ANKRD11: variants seen among roughly 807,000 people sequenced by gnomAD.
The protein encoded by ANKRD11 is ankyrin repeat domain 11.
In ANKRD11, 17 loss-of-function variants were observed where a neutral mutation model predicts 195.7. The ratio of observed to expected loss-of-function variants is 0.09; its 90% CI spans 0.06 to 0.13. The LOEUF is 0.13. Ranked by LOEUF, ANKRD11 falls within the 10% of genes least tolerant of loss-of-function variation. The probability of loss-of-function intolerance (pLI) is 1.00; values close to 1 mark genes in which losing one functional copy is unlikely to be tolerated. For missense variants in ANKRD11, 3,735 were observed against 3,566.1 expected (o/e 1.05, Z -1.21); for synonymous variants, 1,953 against 1,528.1 (o/e 1.28, Z -6.49).
intron 1 of ANKRD11, among the ~76,000 whole-genome samples, chr16:89,483,285 A>C (rs2057502002): frequency 6.6e-6 from 1 of 152,234 alleles, no homozygotes; most frequent in African/African-American, 2.4e-5. Context: ...GTCCTTTTTT[A>C]CAAGAGTCAG....
At chr16:89,402,596 T>TG (rs1279622479) in intron 2 of ANKRD11, among the ~76,000 whole-genome samples, 1 of 142,828 alleles carries the variant, frequency 7.0e-6, no homozygotes, top group East Asian at 2.1e-4. Context: ...GTGGGAGGAT[T>TG]GGTTGAGCCT....
intron 2 of ANKRD11, among the ~76,000 whole-genome samples, chr16:89,332,399 AG>A (rs2038114049): frequency 6.6e-6 from 1 of 152,220 alleles, no homozygotes; most frequent in Admixed American, 6.5e-5. Context: ...CAAGTCCCCG[AG>A]GACAGAGATG....
chr16:89,307,043 G>A (rs987478607), intron 3 of ANKRD11, among the ~76,000 whole-genome samples: 9 of 148,896 alleles, frequency 6.0e-5, no homozygotes, highest in South Asian at 2.1e-4. Flanking sequence ...ACAGCGCTCG[G>A]GACGTGGGGA....
rs774709968 is a variant in ANKRD11 at position 89,281,817 on chromosome 16, G to A, written c.4725C>T (p.Asp1575=). The A allele has an allele frequency of 9.9e-6, 16 of 1,613,802 alleles. No homozygotes were observed. The highest frequency in any genetic ancestry group is 2.2e-5 in the South Asian group (2 of 91,076). The change falls in exon 9 of 13, where the codon GAC becomes GAT. Residue 1575 remains aspartate (D), a synonymous_variant. Coordinates refer to ENST00000301030, the MANE Select transcript of ANKRD11 (RefSeq NM_013275.6). This position sits in a 1 kb window ranked among gnomAD's most constrained non-coding sequence, Gnocchi z 5.5. ...DARPREKLLG[D]GDLMMTSFER... is the part of the protein sequence containing the mutation. ...CGAAGCTGGTCATCATCAGGTCGCCGTCCCCCAGGAGCTTCTCCCTGGGCC... is the reference window on the plus strand; with the variant it reads ...CGAAGCTGGTCATCATCAGGTCGCCATCCCCCAGGAGCTTCTCCCTGGGCC...
In ANKRD11 at chr16:89,270,847, C is replaced by T. The variant is rs200251122; in HGVS notation, c.7776G>A (p.Gln2592=). The change falls in exon 12 of 13, where the codon CAG becomes CAA. Residue 2592 remains glutamine (Q), a synonymous_variant. Coordinates refer to ENST00000301030, the MANE Select transcript of ANKRD11 (RefSeq NM_013275.6). ...TGCGGTCATACTTGTCATCCACGTC[C>T]TGGAGCCAGGAGATGAACTGGCGGG... The part of the protein sequence containing the change: ...FNARQFISWL[Q]DVDDKYDRMK... 128 of 1,614,094 alleles carry T rather than the reference C, an allele frequency of 7.9e-5. No individual in the cohort carries two copies. Among genetic ancestry groups the T allele is most frequent in the Non-Finnish European group, 1.0e-4 (118 of 1,180,012 alleles).
intron 4 of ANKRD11, among the ~76,000 whole-genome samples, chr16:89,297,234 T>A (rs940048563): frequency 6.6e-6 from 1 of 152,254 alleles, no homozygotes; most frequent in Non-Finnish European, 1.5e-5. Flanking sequence ...GCCACGATAC[T>A]GTCAACATAG....
chr16:89,480,018 G>C (rs904819245), intron 1 of ANKRD11, among the ~76,000 whole-genome samples: 35 of 150,996 alleles, frequency 2.3e-4, no homozygotes, highest in Non-Finnish European at 4.6e-4. Context: ...GGCTGAGGCA[G>C]GAGAAATGCT....
intron 2 of ANKRD11, among the ~76,000 whole-genome samples, chr16:89,371,814 A>G (rs2152082060): frequency 6.6e-6 from 1 of 152,312 alleles, no homozygotes; most frequent in Non-Finnish European, 1.5e-5. Context: ...CCAGGCCAGC[A>G]ATGTCCATCA....
Position 89,410,526 on chromosome 16 carries a change from GC to G in ANKRD11, c.-60+7757del, listed in dbSNP as rs1181974767. 5.9e-5 allele frequency among the ~76,000 whole-genome samples: 9 copies of G among 152,212 alleles called. 1 individual carries two copies. In the East Asian group the frequency reaches 1.2e-3, roughly 20 times the overall value. On this transcript the variant is annotated intron_variant, in intron 2 of 12. Transcript: ENST00000301030. ...GCAGAGCCACGGAAGGGAAACACCT[GC>G]CCCCGGGCTACAAAGGCCACCCTCT...
At position 89,469,309 on chromosome 16, in the gene ANKRD11, C is replaced by T. The variant is rs1404049936; in HGVS notation, c.-145+20936G>A. 3.3e-5 allele frequency among the ~76,000 whole-genome samples: 5 copies of T among 152,128 alleles called. No homozygotes were observed. In the South Asian group the frequency reaches 8.3e-4, roughly 25 times the overall value. On this transcript the variant is annotated intron_variant, in intron 1 of 12. Transcript: ENST00000301030. ...CAATCTTGGCTCACTGCAACCTCTGCCTCCCAGGTTCAAGAGATTCTCCAG... is the reference window on the plus strand; with the variant it reads ...CAATCTTGGCTCACTGCAACCTCTGTCTCCCAGGTTCAAGAGATTCTCCAG...
intron 2 of ANKRD11, among the ~76,000 whole-genome samples, chr16:89,333,088 C>T (rs763608799): frequency 6.6e-6 from 1 of 152,180 alleles, no homozygotes; most frequent in Non-Finnish European, 1.5e-5. Flanking sequence ...AAAACGCCTG[C>T]CCCCTGGTGT....
At chr16:89,432,136 G>A (rs572303691) in intron 1 of ANKRD11, among the ~76,000 whole-genome samples, 45 of 152,128 alleles carry the variant, frequency 3.0e-4, no homozygotes, top group African/African-American at 1.1e-3. Context: ...GTGCTAAGGG[G>A]AGAATTTGCC....
chr16:89,375,099 C>T (rs2040362142), intron 2 of ANKRD11, among the ~76,000 whole-genome samples: 1 of 152,122 alleles, frequency 6.6e-6, no homozygotes, highest in South Asian at 2.1e-4. Flanking sequence ...CGTAACGTCG[C>T]AGGCTCAAGC....
intron 2 of ANKRD11, among the ~76,000 whole-genome samples, chr16:89,350,995 C>G (rs529053225): frequency 6.6e-6 from 1 of 152,314 alleles, no homozygotes; most frequent in South Asian, 2.1e-4. Flanking sequence ...TGGGTACGCA[C>G]ACTCTGTGAT....
At chr16:89,316,241 C>T (rs1023351204) in intron 3 of ANKRD11, among the ~76,000 whole-genome samples, 5 of 152,178 alleles carry the variant, frequency 3.3e-5, no homozygotes, top group African/African-American at 4.8e-5. Flanking sequence ...GACTTGTTGA[C>T]GGTCACAAAG....
At chr16:89,345,699 C>G (rs558942190) in intron 2 of ANKRD11, among the ~76,000 whole-genome samples, 1 of 152,284 alleles carries the variant, frequency 6.6e-6, no homozygotes, top group South Asian at 2.1e-4. Flanking sequence ...TGGCTCAGCA[C>G]GAGCTGAGTG....
intron 2 of ANKRD11, among the ~76,000 whole-genome samples, chr16:89,318,377 C>T (rs1034076113): frequency 2.0e-5 from 3 of 152,230 alleles, no homozygotes; most frequent in African/African-American, 7.2e-5. Flanking sequence ...ATCATGTCCT[C>T]GCCGCACCGT....
chr16:89,339,084 G>A (rs564625944), intron 2 of ANKRD11, among the ~76,000 whole-genome samples: 9 of 152,244 alleles, frequency 5.9e-5, no homozygotes, highest in Admixed American at 3.3e-4. Context: ...CTGGGTAACC[G>A]CTGATGGGTG....
At chr16:89,317,753 A>G (rs192048627) in intron 2 of ANKRD11, among the ~76,000 whole-genome samples, 233 of 152,242 alleles carry the variant, frequency 1.5e-3, no homozygotes, top group African/African-American at 5.4e-3. Flanking sequence ...TATTAATTGT[A>G]TATTATTTTT....
Sources: allele counts gnomAD v4.1 joint callset (sites outside exome capture counted in the v4.1 genomes callset), GRCh38; gene constraint gnomAD v4.1.1; non-coding constraint Gnocchi (gnomAD v3.1); transcripts MANE v1.5; gene names NCBI Gene and HGNC (gene_info 2026-07-23, HGNC 2026-07-21).